Variants in PRIM2 observed in about 807,000 individuals in gnomAD.
The protein encoded by PRIM2 is DNA primase large subunit.
A neutral mutation model predicts 67.3 loss-of-function variants in PRIM2; 39 were observed. The ratio of observed to expected loss-of-function variants is 0.58; its 90% CI spans 0.45 to 0.76. The LOEUF is 0.76. Ranked by LOEUF, PRIM2 falls within the 30% of genes least tolerant of loss-of-function variation. The pLI, the probability that PRIM2 is intolerant of heterozygous loss-of-function variation, is 0.00. For synonymous variants in PRIM2, 143 were observed against 198.7 expected (o/e 0.72, Z 2.36); for missense variants, 398 against 598.7 (o/e 0.66, Z 3.50).
Position 57,521,334 on chromosome 6 carries a change from A to G in PRIM2, c.762-11077A>G, listed in dbSNP as rs1370262789. Among the ~76,000 whole-genome samples the G allele has an allele frequency of 4.8e-5, 7 of 144,444 alleles. No individual in the cohort carries two copies. In the Admixed American group the frequency reaches 4.9e-4, roughly 10 times the overall value. 94.8% of individuals were successfully genotyped at this position (144,444 alleles called of 152,430 possible). ...CCAAAGTGCAGGGACTGTGCTTTCT[A>G]AATGTCTGAGTGGCTTAGTTTATGT... On this transcript the variant is annotated intron_variant, in intron 8 of 13. Coordinates refer to ENST00000615550, the MANE Select transcript of PRIM2 (RefSeq NM_000947.5).
chr6:57,483,865 T>TACA (rs1188689520), intron 7 of PRIM2, among the ~76,000 whole-genome samples: 5 of 152,228 alleles, frequency 3.3e-5, no homozygotes, highest in African/African-American at 4.8e-5. Flanking sequence ...AATGTAAGGT[T>TACA]ACATAACTTG....
intron 10 of PRIM2, among the ~76,000 whole-genome samples, chr6:57,595,794 TC>T (rs1776355686): frequency 6.6e-6 from 1 of 152,158 alleles, no homozygotes; most frequent in Non-Finnish European, 1.5e-5. Flanking sequence ...CATCTCCATG[TC>T]TTCAGCATCC....
chr6:57,489,004 C>G (rs1355763494), intron 7 of PRIM2, among the ~76,000 whole-genome samples: 6 of 152,192 alleles, frequency 3.9e-5, no homozygotes, highest in African/African-American at 1.4e-4. Context: ...ATATGCGCAG[C>G]ACAACTTGTG....
intron 12 of PRIM2, among the ~76,000 whole-genome samples, chr6:57,614,719 G>A (rs1455176588): frequency 1.6e-4 from 24 of 152,032 alleles, no homozygotes; most frequent in Admixed American, 2.6e-4. Flanking sequence ...GCGTGCTAGC[G>A]GGCGCCTGTA....
the PRIM2 span, among the ~76,000 whole-genome samples, chr6:57,258,965 C>T: frequency 1.3e-5 from 2 of 152,126 alleles, no homozygotes; most frequent in South Asian, 4.1e-4. Flanking sequence ...GATTTTTGCA[C>T]CTAGAAATAA....
chr6:57,351,881 T>C (rs1385730528), intron 5 of PRIM2, among the ~76,000 whole-genome samples: 1 of 152,198 alleles, frequency 6.6e-6, no homozygotes, highest in Non-Finnish European at 1.5e-5. Flanking sequence ...ATTAATCTTA[T>C]AGTAGATTTT....
chr6:57,645,907 A>T, intron 13 of PRIM2, 21 bp from the exon 14 acceptor site: 5 of 1,301,638 alleles, frequency 3.8e-6, no homozygotes, highest in Non-Finnish European at 5.5e-6. Context: ...TTAATGCAAT[A>T]TAAATTTCCT....
chr6:57,275,349 C>T, the PRIM2 span, among the ~76,000 whole-genome samples: 4 of 151,988 alleles, frequency 2.6e-5, no homozygotes, highest in Non-Finnish European at 2.9e-5. Flanking sequence ...ATTAGCGAGG[C>T]GTGGTGGAGC....
intron 5 of PRIM2, among the ~76,000 whole-genome samples, chr6:57,377,577 A>T (rs1323659299): frequency 6.6e-6 from 1 of 151,916 alleles, no homozygotes; most frequent in African/African-American, 2.4e-5. Flanking sequence ...TCACTAGATA[A>T]GTTGAAAATG....
chr6:57,283,516 T>C, the PRIM2 span, among the ~76,000 whole-genome samples: 2 of 152,220 alleles, frequency 1.3e-5, no homozygotes, highest in Non-Finnish European at 2.9e-5. Flanking sequence ...TGGCAGATAC[T>C]GAAGATTAAT....
At chr6:57,542,512 CT>C (rs1183992296) in intron 10 of PRIM2, among the ~76,000 whole-genome samples, 7 of 151,544 alleles carry the variant, frequency 4.6e-5, no homozygotes, top group Non-Finnish European at 7.4e-5. Context: ...CATCAGTAGT[CT>C]TTTTTTTAAC....
At chr6:57,609,405 T>C (rs1776623645) in intron 12 of PRIM2, among the ~76,000 whole-genome samples, 2 of 152,172 alleles carry the variant, frequency 1.3e-5, no homozygotes, top group Admixed American at 1.3e-4. Context: ...AAAGGGGTTA[T>C]GAATGATATT....
chr6:57,617,693 A>T (rs1281962891), intron 12 of PRIM2, among the ~76,000 whole-genome samples: 1 of 152,120 alleles, frequency 6.6e-6, no homozygotes, highest in Non-Finnish European at 1.5e-5. Context: ...ATGTTCTCCT[A>T]TTCTGTAGGT....
chr6:57,603,184 A>G (rs1378100567), intron 11 of PRIM2, among the ~76,000 whole-genome samples: 4 of 152,128 alleles, frequency 2.6e-5, no homozygotes, highest in Admixed American at 2.0e-4. Flanking sequence ...TAGTTGTCCC[A>G]TAGTTCTTAG....
the PRIM2 span, among the ~76,000 whole-genome samples, chr6:57,226,497 G>A: frequency 6.6e-6 from 1 of 152,324 alleles, no homozygotes; most frequent in South Asian, 2.1e-4. Flanking sequence ...AAAGCGGTAT[G>A]TAAAAAATAA....
At chr6:57,224,409 G>T in the PRIM2 span, among the ~76,000 whole-genome samples, 1 of 152,186 alleles carries the variant, frequency 6.6e-6, no homozygotes, top group South Asian at 2.1e-4. Flanking sequence ...AGACAGTTGG[G>T]GGGTGGGAAG....
At chr6:57,294,873 G>A in the PRIM2 span, among the ~76,000 whole-genome samples, 7 of 150,134 alleles carry the variant, frequency 4.7e-5, no homozygotes, top group East Asian at 1.9e-4. Flanking sequence ...GCAGTGGCAC[G>A]ATCTCAGCTC....
At chr6:57,277,072 A>T in the PRIM2 span, among the ~76,000 whole-genome samples, 1 of 152,104 alleles carries the variant, frequency 6.6e-6, no homozygotes, top group Admixed American at 6.5e-5. Flanking sequence ...TGTGAGTTCC[A>T]GTGGGTGTGT....
chr6:57,325,391 C>T (rs1321832153), intron 4 of PRIM2, among the ~76,000 whole-genome samples: 4 of 148,294 alleles, frequency 2.7e-5, no homozygotes, highest in Non-Finnish European at 6.0e-5. Context: ...CCTCAACATC[C>T]GTGGGCTCAG....
Sources: allele counts gnomAD v4.1 joint callset (sites outside exome capture counted in the v4.1 genomes callset), GRCh38; gene constraint gnomAD v4.1.1; transcripts MANE v1.5; gene names NCBI Gene and HGNC (gene_info 2026-07-23, HGNC 2026-07-21).